The following SNX27 variants were observed in gnomAD, a reference collection of about 807,000 sequenced individuals.
SNX27 encodes the protein sorting nexin-27.
A neutral mutation model predicts 71.6 loss-of-function variants in SNX27; 22 were observed. The observed-to-expected ratio is 0.31, with a 90% confidence interval of 0.22 to 0.44. The LOEUF (loss-of-function observed/expected upper bound fraction) is 0.44, where lower values mean the gene tolerates loss of function less well. Among genes scored for constraint, SNX27 ranks in the 20% least tolerant of loss-of-function variants. The pLI, the probability that SNX27 is intolerant of heterozygous loss-of-function variation, is 1.00. For missense variants in SNX27, 531 were observed against 698.6 expected (o/e 0.76, Z 2.70); for synonymous variants, 269 against 277.2 (o/e 0.97, Z 0.29).
intron 10 of SNX27, 48 bp from the exon 11 acceptor site, chr1:151,693,376 G>A (rs748166698): frequency 1.3e-6 from 2 of 1,571,274 alleles, no homozygotes; most frequent in Non-Finnish European, 1.7e-6. Context: ...ACAGTCCTGA[G>A]ATGCCTGCTC....
At position 151,612,323 on chromosome 1, in the gene SNX27, C is replaced by A. The variant is rs1467368532; in HGVS notation, c.122C>A (p.Pro41Gln). 6.6e-7 allele frequency: 1 copy of A among 1,526,578 alleles called. No individual in the cohort carries two copies. 94.6% of individuals were successfully genotyped at this position (1,526,578 alleles called of 1,614,324 possible). The change falls in exon 1 of 12, where the codon CCG becomes CAG. Residue 41 changes from proline (P) to glutamine (Q), a missense_variant. By Grantham distance (76) the Pro-to-Gln change is moderately conservative. Coordinates refer to ENST00000458013, the MANE Select transcript of SNX27 (RefSeq NM_001330723.2). The surrounding 1 kb of genome is among the most constrained non-coding windows in gnomAD (Gnocchi z 5.2). ...AACGGCGGCGGGGGAGGCGGCGGCC[C>A]GCGGGTCGTGCGCATCGTCAAGTCC... ...AGNGGGGGGG[P>Q]RVVRIVKSES...
chr1:151,691,849 G>A (rs145120119), intron 8 of SNX27, among the ~76,000 whole-genome samples: 1 of 151,632 alleles, frequency 6.6e-6, no homozygotes, highest in East Asian at 2.0e-4. Flanking sequence ...AGGGTTAGAA[G>A]TATGAAGGTG....
chr1:151,644,805 C>T (rs1668960755), intron 2 of SNX27, among the ~76,000 whole-genome samples: 2 of 151,740 alleles, frequency 1.3e-5, no homozygotes, highest in South Asian at 4.2e-4. Flanking sequence ...ATATAAAGGT[C>T]AAGGTTTTTT....
chr1:151,654,928 A>G (rs1669606956), intron 2 of SNX27, among the ~76,000 whole-genome samples: 2 of 152,102 alleles, frequency 1.3e-5, no homozygotes, highest in African/African-American at 4.8e-5. Context: ...GTCCTTGTCT[A>G]CTGATTCTTT....
intron 2 of SNX27, among the ~76,000 whole-genome samples, chr1:151,641,796 TAA>T (rs1668772089): frequency 1.4e-5 from 2 of 141,882 alleles, no homozygotes; most frequent in South Asian, 2.2e-4. Flanking sequence ...ATGAGATATA[TAA>T]GATATAGATA....
At chr1:151,680,697 A>G (rs1670905381) in intron 7 of SNX27, among the ~76,000 whole-genome samples, 1 of 152,232 alleles carries the variant, frequency 6.6e-6, no homozygotes, top group African/African-American at 2.4e-5. Context: ...AATAAAGAAA[A>G]ATAGTTGTAA....
At position 151,698,933 on chromosome 1, in the gene SNX27, A is replaced by G. The variant is rs1196722700; in HGVS notation, c.*4516A>G. On this transcript the variant is annotated 3_prime_UTR_variant, in exon 12 of 12. Coordinates refer to ENST00000458013, the MANE Select transcript of SNX27 (RefSeq NM_001330723.2). ...TTTATTTGTGATTTAAGAAATGTGAAGAGAAAATACACAGACACAATAATG... is the reference window on the plus strand; with the variant it reads ...TTTATTTGTGATTTAAGAAATGTGAGGAGAAAATACACAGACACAATAATG... 6.5e-6 allele frequency: 1 copy of G among 152,690 alleles called. No individual in the cohort carries two copies. The highest frequency in any genetic ancestry group is 1.9e-4 in the East Asian group (1 of 5,202). 9.5% of individuals were successfully genotyped at this position (152,690 alleles called of 1,614,324 possible).
chr1:151,676,270 A>ATTTTTTT (rs752951557), intron 7 of SNX27: 1 of 56,530 alleles, frequency 1.8e-5, no homozygotes, highest in African/African-American at 7.7e-5. Flanking sequence ...AGTGCTATTA[A>ATTTTTTT]TTTTTTTTTT....
chr1:151,686,958 C>T lies in SNX27; in HGVS notation c.1239+3513C>T, dbSNP rs534699475. Among the ~76,000 whole-genome samples the T allele has an allele frequency of 2.6e-5, 4 of 152,334 alleles. No individual in the cohort carries two copies. The South Asian group carries it at 8.3e-4, about 32-fold the overall frequency. The stretch of plus-strand genomic sequence containing the variant: ...AGCTTTGTGTAAGTTCCCCTGTCCT[C>T]CAAATCTTCAAATACAGAAGAGAGC... On this transcript the variant is annotated intron_variant, in intron 8 of 11. Transcript: ENST00000458013.
intron 2 of SNX27, among the ~76,000 whole-genome samples, chr1:151,639,330 G>A (rs1294682664): frequency 1.3e-5 from 2 of 149,388 alleles, no homozygotes; most frequent in African/African-American, 4.9e-5. Context: ...CTCAGCTTGA[G>A]TATAATTCCA....
At chr1:151,615,353 TTTTC>T (rs763029431) in intron 1 of SNX27, among the ~76,000 whole-genome samples, 1 of 152,118 alleles carries the variant, frequency 6.6e-6, no homozygotes, top group Non-Finnish European at 1.5e-5. Context: ...TGTCTTTCTC[TTTTC>T]TTTTTTTTTT....
intron 1 of SNX27, among the ~76,000 whole-genome samples, chr1:151,618,438 A>G (rs759741163): frequency 2.0e-5 from 3 of 152,188 alleles, no homozygotes; most frequent in Non-Finnish European, 4.4e-5. Flanking sequence ...TGAAAATAGC[A>G]TTACCTTCCC....
chr1:151,651,467 G>T (rs1305181803), intron 2 of SNX27, among the ~76,000 whole-genome samples: 1 of 149,912 alleles, frequency 6.7e-6, no homozygotes, highest in Non-Finnish European at 1.5e-5. Flanking sequence ...CGGGCAGAGG[G>T]GCTCCTCACT....
At chr1:151,646,220 T>A (rs976080255) in intron 2 of SNX27, among the ~76,000 whole-genome samples, 1 of 152,156 alleles carries the variant, frequency 6.6e-6, no homozygotes, top group African/African-American at 2.4e-5. Context: ...CGTTGCTATA[T>A]TTTCCATTTA....
chr1:151,618,359 A>G (rs945485039), intron 1 of SNX27, among the ~76,000 whole-genome samples: 3 of 152,252 alleles, frequency 2.0e-5, no homozygotes, highest in Non-Finnish European at 4.4e-5. Context: ...TGAAGACAGC[A>G]GAACAATCAT....
Position 151,645,494 on chromosome 1 carries a change from G to A in SNX27, c.543+6375G>A, listed in dbSNP as rs113639820. Among the ~76,000 whole-genome samples, 74 of 152,270 alleles carry A rather than the reference G, an allele frequency of 4.9e-4. 1 individual carries two copies. In the South Asian group the frequency reaches 5.0e-3, roughly 10 times the overall value. ...CTGGCAATAAGCTGTAAGCTGTGTC[G>A]CCTTCTGTGGGTTAAACTTCAAATC... On this transcript the variant is annotated intron_variant, in intron 2 of 11. Transcript: ENST00000458013.
chr1:151,639,387 C>T (rs1307899228), intron 2 of SNX27, among the ~76,000 whole-genome samples: 3 of 152,064 alleles, frequency 2.0e-5, no homozygotes, highest in African/African-American at 4.8e-5. Context: ...TTGTCGTAAA[C>T]GTGTGAGTTT....
At chr1:151,653,836 G>GTTTTTTTTT (rs60604221) in intron 2 of SNX27, among the ~76,000 whole-genome samples, 1 of 129,746 alleles carries the variant, frequency 7.7e-6, no homozygotes, top group Non-Finnish European at 1.6e-5. Flanking sequence ...AGTTTTTTTT[G>GTTTTTTTTT]TTTTTTTTTT....
intron 1 of SNX27, among the ~76,000 whole-genome samples, chr1:151,621,255 G>C (rs1440056977): frequency 1.3e-5 from 2 of 152,178 alleles, no homozygotes; most frequent in South Asian, 4.1e-4. Flanking sequence ...GGTAGTATGT[G>C]TGTAGTCTCT....
Sources: allele counts gnomAD v4.1 joint callset (sites outside exome capture counted in the v4.1 genomes callset), GRCh38; gene constraint gnomAD v4.1.1; non-coding constraint Gnocchi (gnomAD v3.1); transcripts MANE v1.5; gene names NCBI Gene and HGNC (gene_info 2026-07-23, HGNC 2026-07-21).